The following FUS variants were observed in gnomAD, a reference collection of about 807,000 sequenced individuals.
FUS encodes the protein FUS RNA binding protein.
In FUS, 5 loss-of-function variants were observed where a neutral mutation model predicts 82.7. The ratio of observed to expected loss-of-function variants is 0.06; its 90% CI spans 0.03 to 0.13. FUS has a LOEUF of 0.13. Ranked by LOEUF, FUS falls within the 10% of genes least tolerant of loss-of-function variation. FUS has a pLI of 1.00. For synonymous variants in FUS, 281 were observed against 247.4 expected, an observed-to-expected ratio of 1.14 and a Z score of -1.27; for missense variants, 512 against 707.8, an observed-to-expected ratio of 0.72 and a Z score of 3.14.
At chr16:31,194,254 A>G (rs1438355744), downstream of FUS, 18 of 529,222 alleles carry the variant, frequency 3.4e-5, no homozygotes, top group East Asian at 3.9e-5. Flanking sequence ...TCACTGATCT[A>G]CCTTTAGGCA....
At chr16:31,188,206 T>C (rs1329708971) in intron 7 of FUS, 119 bp from the exon 8 acceptor site, 1 of 1,082,906 alleles carries the variant, frequency 9.2e-7, no homozygotes, top group Non-Finnish European at 1.4e-6. Context: ...TTACTTGATA[T>C]TTTACAAGTT....
At chr16:31,181,915 G>T (rs2079185103) in intron 1 of FUS, among the ~76,000 whole-genome samples, 1 of 152,174 alleles carries the variant, frequency 6.6e-6, no homozygotes, top group African/African-American at 2.4e-5. Flanking sequence ...TTTATTGTAA[G>T]AACACTTGGC....
chr16:31,193,445 A>G, downstream of FUS: 1 of 527,748 alleles, frequency 1.9e-6, no homozygotes, highest in South Asian at 1.5e-5. Flanking sequence ...ATATTTGAGT[A>G]GTTCACTGTT....
chr16:31,187,052 G>A lies in FUS; in HGVS notation c.799+216G>A, dbSNP rs1254643310. On this transcript the variant is annotated intron_variant, in intron 7 of 14. Transcript: ENST00000254108. Reference sequence around the variant, plus strand: ...ACTCAATAGTCATCTTTTACCAAATGGGTTTGCCCCAGGTTAATAAGAGGG... The same window carrying A: ...ACTCAATAGTCATCTTTTACCAAATAGGTTTGCCCCAGGTTAATAAGAGGG... The A allele has an allele frequency of 2.6e-5, 16 of 614,552 alleles. No homozygotes were observed. In the Admixed American group the frequency reaches 3.9e-4, roughly 15 times the overall value. 38.1% of individuals were successfully genotyped at this position (614,552 alleles called of 1,614,324 possible).
At chr16:31,190,432 T>C in intron 12 of FUS, 34 bp downstream of exon 12, 1 of 1,613,998 alleles carries the variant, frequency 6.2e-7, no homozygotes, top group Non-Finnish European at 8.5e-7. Context: ...TTAGTTCTCT[T>C]GCATGCGTGC....
chr16:31,188,448 GA>G (rs2079304402), intron 8 of FUS, 91 bp downstream of exon 8: 8 of 1,360,598 alleles, frequency 5.9e-6, no homozygotes, highest in African/African-American at 1.4e-5. Context: ...AAAGGAAACT[GA>G]AAAAAATGGG....
In FUS at chr16:31,181,679, A is replaced by G. The variant is rs1026857204; in HGVS notation, c.14-719A>G. Reference sequence around the variant, plus strand: ...CAATCTGAACACTGTTCGAATTCAAACCTGTGCCACTTTGGTAGTTCTGCG... The same window carrying G: ...CAATCTGAACACTGTTCGAATTCAAGCCTGTGCCACTTTGGTAGTTCTGCG... On this transcript the variant is annotated intron_variant, in intron 1 of 14. Coordinates refer to ENST00000254108, the MANE Select transcript of FUS (RefSeq NM_004960.4). Among the ~76,000 whole-genome samples the G allele has an allele frequency of 1.1e-4, 17 of 152,018 alleles. 1 individual carries two copies. Among genetic ancestry groups the G allele is most frequent in the Admixed American group, 1.1e-3 (17 of 15,260 alleles).
At chr16:31,188,800 T>G (rs2079309972) in intron 8 of FUS, 3 of 470,408 alleles carry the variant, frequency 6.4e-6, no homozygotes, top group Non-Finnish European at 1.1e-5. Flanking sequence ...GGTTTCTTAT[T>G]TAATTCGGGG....
intron 1 of FUS, among the ~76,000 whole-genome samples, 180 bp downstream of exon 1, chr16:31,180,407 T>C (rs1484968233): frequency 6.6e-6 from 1 of 152,038 alleles, no homozygotes; most frequent in African/African-American, 2.4e-5. Context: ...GTTTCGCTCC[T>C]CTGGCCCTCG....
chr16:31,182,295 T>G, intron 1 of FUS, 103 bp from the exon 2 acceptor site: 1 of 1,369,238 alleles, frequency 7.3e-7, no homozygotes. Context: ...CTGGCCTACG[T>G]GGTCCTTTTT....
At chr16:31,182,286 T>C (rs991886034) in intron 1 of FUS, 112 bp from the exon 2 acceptor site, 3 of 1,283,630 alleles carry the variant, frequency 2.3e-6, no homozygotes, top group Non-Finnish European at 3.4e-6. Flanking sequence ...CCACCGTGCC[T>C]GGCCTACGTG....
At chr16:31,188,117 A>G (rs1029505772) in intron 7 of FUS, 9 of 605,216 alleles carry the variant, frequency 1.5e-5, no homozygotes, top group African/African-American at 5.6e-5. Flanking sequence ...CTCAAGTTAC[A>G]GATCTTAAGG....
chr16:31,182,476 CA>C (rs1157478383), intron 2 of FUS, 36 bp from the exon 3 acceptor site: 1 of 1,614,176 alleles, frequency 6.2e-7, no homozygotes, highest in East Asian at 2.2e-5. Context: ...GTGGTCACGC[CA>C]TGTTTTCTGA....
chr16:31,191,556 A>G lies in FUS; in HGVS notation c.*118A>G. On this transcript the variant is annotated 3_prime_UTR_variant, in exon 15 of 15. Transcript: ENST00000254108. ...AGGGTTTTTTTGTGTCGGACTATGTAATTGTAACTATACCTCTGGTTCCCA... is the reference window on the plus strand; with the variant it reads ...AGGGTTTTTTTGTGTCGGACTATGTGATTGTAACTATACCTCTGGTTCCCA... 9.4e-7 allele frequency: 1 copy of G among 1,068,624 alleles called. No individual in the cohort carries two copies. The highest frequency in any genetic ancestry group is 1.4e-6 in the Non-Finnish European group (1 of 696,228). 66.2% of individuals were successfully genotyped at this position (1,068,624 alleles called of 1,614,324 possible).
rs1445684625 is a variant in FUS, at chr16:31,183,812, C to T, written c.191-46C>T. On this transcript the variant is annotated intron_variant, in intron 3 of 14. Coordinates refer to ENST00000254108, the MANE Select transcript of FUS (RefSeq NM_004960.4). Reference sequence around the variant, plus strand: ...TTCTTTAACCCATTCCTTACATTTTCTCTTTCCTGGTGGCTTTTGTGACTC... The same window carrying T: ...TTCTTTAACCCATTCCTTACATTTTTTCTTTCCTGGTGGCTTTTGTGACTC... 3.7e-6 allele frequency: 6 copies of T among 1,613,052 alleles called. No homozygotes were observed. In the South Asian group the frequency reaches 5.5e-5, roughly 15 times the overall value.
At position 31,184,301 on chromosome 16, in the gene FUS, A is replaced by G. The variant is rs758121024; in HGVS notation, c.428A>G (p.Tyr143Cys). The G allele has an allele frequency of 1.2e-6, 2 of 1,613,834 alleles. No individual in the cohort carries two copies. Among genetic ancestry groups the G allele is most frequent in the African/African-American group, 1.3e-5 (1 of 74,894 alleles). The change falls in exon 5 of 15, where the codon TAT (tyrosine) becomes TGT (cysteine). Residue 143 changes from tyrosine (Y) to cysteine (C), a missense_variant. Tyr to Cys is a radical substitution (Grantham distance 194, BLOSUM62 -2). This residue lies in a region of FUS where 276 missense variants were observed against 303.3 expected (regional missense o/e 0.91). Transcript: ENST00000254108. The stretch of plus-strand genomic sequence containing the variant: ...AGCTATGGTGGACAGCAGCAAAGCT[A>G]TGGACAGCAGCAAAGCTATAATCCC... ...QPSYGGQQQS[Y>C]GQQQSYNPPQ...
downstream of FUS, chr16:31,194,606 T>C: frequency 2.0e-6 from 1 of 494,418 alleles, no homozygotes. Flanking sequence ...TGTCCGGCTA[T>C]GAAAATTTTA....
Position 31,184,213 on chromosome 16 carries a change from G to A in FUS, c.340G>A (p.Gly114Ser), listed in dbSNP as rs186802889. ...TTTTTTGTTTGTTTTCCCTAGTTACGGTAGCAGTTCTCAGAGCAGCAGCTA... is the reference window on the plus strand; with the variant it reads ...TTTTTTGTTTGTTTTCCCTAGTTACAGTAGCAGTTCTCAGAGCAGCAGCTA... ...PAPSSTSGSY[G>S]SSSQSSSYGQ... Residue 114 changes from glycine (G) to serine (S), a missense_variant, in exon 5 of 15, where the codon GGT becomes AGT. By Grantham distance (56) the Gly-to-Ser change is moderately conservative (BLOSUM62 0). Coordinates refer to ENST00000254108, the MANE Select transcript of FUS (RefSeq NM_004960.4). 8 of 1,613,952 alleles carry A rather than the reference G, an allele frequency of 5.0e-6. No homozygotes were observed. Among genetic ancestry groups the A allele is most frequent in the Non-Finnish European group, 5.9e-6 (7 of 1,180,008 alleles).
chr16:31,194,081 C>T (rs1318445700), downstream of FUS: 4 of 534,116 alleles, frequency 7.5e-6, no homozygotes, highest in Admixed American at 2.2e-5. Context: ...GTCTGTTTGT[C>T]CCTTCCTTGA....
Sources: gnomAD v4.1 joint callset for allele counts (sites outside exome capture counted in the v4.1 genomes callset) on GRCh38, gnomAD v4.1.1 for gene constraint, gnomAD v4.1.1 regional missense constraint, MANE v1.5 for transcripts, NCBI Gene and HGNC (gene_info 2026-07-23, HGNC 2026-07-21) for gene names.